Variants in FBH1 observed in about 807,000 individuals in gnomAD.
FBH1 encodes the protein DNA 3'-5' helicase 1.
Under a neutral mutation model 115.5 loss-of-function variants are expected in FBH1, and 43 were observed. That is an observed-to-expected ratio of 0.37 (90% CI 0.29 to 0.48). The LOEUF (loss-of-function observed/expected upper bound fraction) is 0.48, where lower values mean the gene tolerates loss of function less well. FBH1 is among the 20% of genes least tolerant of loss of function. The probability of loss-of-function intolerance (pLI) is 0.99; values close to 1 mark genes in which losing one functional copy is unlikely to be tolerated. For missense variants in FBH1, 1,001 were observed against 1,337.3 expected (o/e 0.75, Z 3.92); for synonymous variants, 524 against 507.8 (o/e 1.03, Z -0.43).
intron 10 of FBH1, among the ~76,000 whole-genome samples, chr10:5,916,753 C>G (rs550568830): frequency 6.8e-6 from 1 of 147,670 alleles, no homozygotes; most frequent in South Asian, 2.2e-4. Context: ...TGTGGGACAG[C>G]ATTATTTCTT....
rs191067112 is a variant in FBH1, at chr10:5,901,019, C to T, written c.2-2001C>T. ...GGCCAAGGCAAGAAAATCACTTGAACCCAAGAGGTGAATGTTGCAGTGAGC... is the reference window on the plus strand; with the variant it reads ...GGCCAAGGCAAGAAAATCACTTGAATCCAAGAGGTGAATGTTGCAGTGAGC... On this transcript the variant is annotated intron_variant, in intron 1 of 20. Coordinates refer to ENST00000362091, the MANE Select transcript of FBH1 (RefSeq NM_178150.3). Among the ~76,000 whole-genome samples the T allele has an allele frequency of 2.1e-4, 32 of 152,164 alleles. 1 individual carries two copies. The highest frequency in any genetic ancestry group is 4.4e-4 in the Non-Finnish European group (30 of 68,008).
In FBH1 at chr10:5,910,592, A is replaced by G. The variant is rs568502093; in HGVS notation, c.1021-346A>G. On this transcript the variant is annotated intron_variant, in intron 5 of 20. Transcript: ENST00000362091. The surrounding 1 kb of genome is among the most constrained non-coding windows in gnomAD (Gnocchi z 4.8). ...TTTGCTCTGGCCCTGCCAAGCACAT[A>G]TGGACCTGAGAGCCCCCATGGCCTG... 3.3e-5 allele frequency among the ~76,000 whole-genome samples: 5 copies of G among 152,190 alleles called. No homozygotes were observed. The highest frequency in any genetic ancestry group is 6.5e-5 in the Admixed American group (1 of 15,286).
intron 18 of FBH1, among the ~76,000 whole-genome samples, chr10:5,926,140 A>C (rs1213119953): frequency 6.6e-6 from 1 of 151,940 alleles, no homozygotes; most frequent in African/African-American, 2.4e-5. Context: ...TATTATTTTG[A>C]GATGGAGTCT....
At chr10:5,891,035 A>C (rs1254614270) in intron 1 of FBH1, 4 of 440,456 alleles carry the variant, frequency 9.1e-6, no homozygotes, top group Non-Finnish European at 1.2e-5. Context: ...GTCCGAAGAC[A>C]ACCCTATGAG....
rs963899256 is a variant in FBH1, at chr10:5,911,512, C to T, written c.1211+384C>T. ...TTGTGGGATGGAAAAGACTCATCCA[C>T]CTTATCCTCCATGCGGGAGAGGCTA... is the stretch of plus-strand genomic sequence containing the variant. On this transcript the variant is annotated intron_variant, in intron 6 of 20. Coordinates refer to ENST00000362091, the MANE Select transcript of FBH1 (RefSeq NM_178150.3). This position sits in a 1 kb window ranked among gnomAD's most constrained non-coding sequence, Gnocchi z 5.4. Among the ~76,000 whole-genome samples, 2 of 152,216 alleles carry T rather than the reference C, an allele frequency of 1.3e-5. No individual in the cohort carries two copies. Among genetic ancestry groups the T allele is most frequent in the Non-Finnish European group, 2.9e-5 (2 of 68,030 alleles).
chr10:5,912,828 G>A (rs1458358285), intron 6 of FBH1, among the ~76,000 whole-genome samples: 1 of 152,152 alleles, frequency 6.6e-6, no homozygotes, highest in Non-Finnish European at 1.5e-5. Flanking sequence ...TTCAACACAG[G>A]AATTTCAAGG....
At position 5,909,195 on chromosome 10, in the gene FBH1, T is replaced by C. The variant is rs1403121778; in HGVS notation, c.921T>C (p.Asp307=). The C allele has an allele frequency of 6.2e-7, 1 of 1,613,584 alleles. No homozygotes were observed. The highest frequency in any genetic ancestry group is 8.5e-7 in the Non-Finnish European group (1 of 1,180,024). ...TATTKCSPSV[D]PERVLWSLRD... Reference sequence around the variant, plus strand: ...CCACTAAGTGCTCTCCGAGTGTGGATCCCGAGAGGGTGCTGTGGAGTCTGA... The same window carrying C: ...CCACTAAGTGCTCTCCGAGTGTGGACCCCGAGAGGGTGCTGTGGAGTCTGA... Residue 307 remains aspartate (D), a synonymous_variant, in exon 5 of 21, where the codon GAT becomes GAC. Transcript: ENST00000362091. The surrounding 1 kb of genome is among the most constrained non-coding windows in gnomAD (Gnocchi z 4.4).
rs1173105322 is a variant in FBH1 at position 5,917,993 on chromosome 10, T to G, written c.1963+317T>G. On this transcript the variant is annotated intron_variant, in intron 12 of 20. Coordinates refer to ENST00000362091, the MANE Select transcript of FBH1 (RefSeq NM_178150.3). The surrounding 1 kb of genome is among the most constrained non-coding windows in gnomAD (Gnocchi z 5.6). ...AAGCTTGTGTTGTCTACTTCTCAAGTGGCTAGGAGAGAACAGACAGTGTTA... is the reference window on the plus strand; with the variant it reads ...AAGCTTGTGTTGTCTACTTCTCAAGGGGCTAGGAGAGAACAGACAGTGTTA... 2.0e-5 allele frequency among the ~76,000 whole-genome samples: 3 copies of G among 152,246 alleles called. No individual in the cohort carries two copies. Among genetic ancestry groups the G allele is most frequent in the African/African-American group, 7.2e-5 (3 of 41,468 alleles).
Position 5,913,866 on chromosome 10 carries a change from GT to G in FBH1, c.1304+31del. On this transcript the variant is annotated intron_variant, in intron 7 of 20. Coordinates refer to ENST00000362091, the MANE Select transcript of FBH1 (RefSeq NM_178150.3). The surrounding 1 kb of genome is among the most constrained non-coding windows in gnomAD (Gnocchi z 4.4). ...TATGTGTATATGTGCGTCAGCGTGT[GT>G]TTTGTCTTCTGTCGACTCTTCCTCA... 6.5e-7 allele frequency: 1 copy of G among 1,539,050 alleles called. No homozygotes were observed. Among genetic ancestry groups the G allele is most frequent in the South Asian group, 1.2e-5 (1 of 84,454 alleles).
chr10:5,936,501 G>A lies in FBH1; in HGVS notation c.2875G>A (p.Gly959Ser). 6.2e-7 allele frequency: 1 copy of A among 1,614,132 alleles called. No individual in the cohort carries two copies. The highest frequency in any genetic ancestry group is 8.5e-7 in the Non-Finnish European group (1 of 1,180,026). ...AELTSNVLKT[G>S]VVRCCVGQCN... is the part of the protein sequence containing the mutation. ...GCTGACAAGCAACGTCTTAAAAACA[G>A]GCGTGGTGCGCTGCTGCGTGGGACA... Residue 959 changes from glycine to serine, a missense_variant, in exon 20 of 21, where the codon GGC becomes AGC. By Grantham distance (56) the Gly-to-Ser change is moderately conservative. Coordinates refer to ENST00000362091, the MANE Select transcript of FBH1 (RefSeq NM_178150.3). The surrounding 1 kb of genome is among the most constrained non-coding windows in gnomAD (Gnocchi z 5.6).
At position 5,925,718 on chromosome 10, in the gene FBH1, T is replaced by C. The variant is rs1335043796; in HGVS notation, c.2722+226T>C. Among the ~76,000 whole-genome samples, 1 of 152,204 alleles carries C rather than the reference T, an allele frequency of 6.6e-6. No homozygotes were observed. ...AAGGTGCACCCCTCTGGGGGCTGCG[T>C]GTGGGATGATGATGTTTGTGGCGGC... On this transcript the variant is annotated intron_variant, in intron 18 of 20. Coordinates refer to ENST00000362091, the MANE Select transcript of FBH1 (RefSeq NM_178150.3). The surrounding 1 kb of genome is among the most constrained non-coding windows in gnomAD (Gnocchi z 4.6).
intron 18 of FBH1, among the ~76,000 whole-genome samples, chr10:5,927,036 C>A (rs1431266174): frequency 6.6e-6 from 1 of 152,208 alleles, no homozygotes; most frequent in Non-Finnish European, 1.5e-5. Flanking sequence ...GGTCCTGCTC[C>A]CAGGCCCTTG....
Position 5,906,443 on chromosome 10 carries a change from T to G in FBH1, c.564T>G (p.Gly188=). The G allele has an allele frequency of 6.2e-7, 1 of 1,614,156 alleles. No homozygotes were observed. The highest frequency in any genetic ancestry group is 8.5e-7 in the Non-Finnish European group (1 of 1,180,028). Residue 188 remains glycine (G), a synonymous_variant, in exon 3 of 21, where the codon GGT becomes GGG. Transcript: ENST00000362091. This position sits in a 1 kb window ranked among gnomAD's most constrained non-coding sequence, Gnocchi z 7.3. Reference sequence around the variant, plus strand: ...CCGACCAAGATGCTGGGGACGTGGGTCCTGATCCCATTCCTGACTCATACT... The same window carrying G: ...CCGACCAAGATGCTGGGGACGTGGGGCCTGATCCCATTCCTGACTCATACT... ...GETDQDAGDV[G]PDPIPDSYYG... is the part of the protein sequence containing the mutation.
Position 5,915,380 on chromosome 10 carries a change from TC to T in FBH1, c.1397-21del, listed in dbSNP as rs1356233089. The T allele has an allele frequency of 2.5e-6, 4 of 1,613,266 alleles. No individual in the cohort carries two copies. The highest frequency in any genetic ancestry group is 3.4e-6 in the Non-Finnish European group (4 of 1,179,518). Reference sequence around the variant, plus strand: ...TGTCTTGTCTGGTCAGAGGGTCACCTCCTTTCCTCCTGGCTTCCCCAGGCAC... The same window carrying T: ...TGTCTTGTCTGGTCAGAGGGTCACCTCTTTCCTCCTGGCTTCCCCAGGCAC... On this transcript the variant is annotated intron_variant, in intron 8 of 20. Transcript: ENST00000362091. The surrounding 1 kb of genome is among the most constrained non-coding windows in gnomAD (Gnocchi z 5.2).
rs1219324266 is a variant in FBH1, at chr10:5,911,986, G to A, written c.1211+858G>A. 5.3e-5 allele frequency among the ~76,000 whole-genome samples: 8 copies of A among 152,268 alleles called. No homozygotes were observed. In the East Asian group the frequency reaches 1.5e-3, roughly 29 times the overall value. On this transcript the variant is annotated intron_variant, in intron 6 of 20. Coordinates refer to ENST00000362091, the MANE Select transcript of FBH1 (RefSeq NM_178150.3). The surrounding 1 kb of genome is among the most constrained non-coding windows in gnomAD (Gnocchi z 5.4). ...GGGACATGTGAGGAAGAGAAAAAGTGCAGTGTGGCAAGGGTGGGAGGGAAC... is the reference window on the plus strand; with the variant it reads ...GGGACATGTGAGGAAGAGAAAAAGTACAGTGTGGCAAGGGTGGGAGGGAAC...
At position 5,911,354 on chromosome 10, in the gene FBH1, C is replaced by A. The variant is rs1399348150; in HGVS notation, c.1211+226C>A. On this transcript the variant is annotated intron_variant, in intron 6 of 20. Transcript: ENST00000362091. The surrounding 1 kb of genome is among the most constrained non-coding windows in gnomAD (Gnocchi z 5.4). ...TGCAGTTCTGAGCGGCTGCGAGATA[C>A]CACTAAGGCTGATTTTACCATCATG... Among the ~76,000 whole-genome samples, 3 of 152,238 alleles carry A rather than the reference C, an allele frequency of 2.0e-5. No homozygotes were observed. Among genetic ancestry groups the A allele is most frequent in the Non-Finnish European group, 4.4e-5 (3 of 68,052 alleles).
chr10:5,911,892 C>T lies in FBH1; in HGVS notation c.1211+764C>T, dbSNP rs1258337678. Among the ~76,000 whole-genome samples, 1 of 152,066 alleles carries T rather than the reference C, an allele frequency of 6.6e-6. No individual in the cohort carries two copies. Among genetic ancestry groups the T allele is most frequent in the African/African-American group, 2.4e-5 (1 of 41,374 alleles). ...GAGTGTGGAGGAGGAACCGCCGTTT[C>T]ACAACTGTGGGGAGAGCAGTTCAGA... On this transcript the variant is annotated intron_variant, in intron 6 of 20. Coordinates refer to ENST00000362091, the MANE Select transcript of FBH1 (RefSeq NM_178150.3). The surrounding 1 kb of genome is among the most constrained non-coding windows in gnomAD (Gnocchi z 5.4).
chr10:5,924,584 T>TC lies in FBH1; in HGVS notation c.2596+76_2596+77insC. The TC allele has an allele frequency of 3.5e-6, 5 of 1,409,222 alleles. No individual in the cohort carries two copies. The highest frequency in any genetic ancestry group is 4.9e-6 in the Non-Finnish European group (5 of 1,017,392). 87.3% of individuals were successfully genotyped at this position (1,409,222 alleles called of 1,614,324 possible). On this transcript the variant is annotated intron_variant, in intron 17 of 20. Coordinates refer to ENST00000362091, the MANE Select transcript of FBH1 (RefSeq NM_178150.3). The surrounding 1 kb of genome is among the most constrained non-coding windows in gnomAD (Gnocchi z 6.2). ...GTCTTCTGCTGTTCTTTTTTTTTTTTTGAGACAGAGTATTGCTCTGTTGCC... is the reference window on the plus strand; with the variant it reads ...GTCTTCTGCTGTTCTTTTTTTTTTTTCTGAGACAGAGTATTGCTCTGTTGCC...
Position 5,936,967 on chromosome 10 carries a change from C to T in FBH1, c.2962-143C>T. 1.1e-6 allele frequency: 1 copy of T among 928,022 alleles called. No homozygotes were observed. Among genetic ancestry groups the T allele is most frequent in the Non-Finnish European group, 1.6e-6 (1 of 629,888 alleles). The allele number at this position is 928,022 out of a possible 1,614,324, so 57.5% of individuals were successfully genotyped here. A position where few individuals can be genotyped will look rare whatever the true frequency, so the allele number is the denominator to read the frequency against. On this transcript the variant is annotated intron_variant, in intron 20 of 20. Transcript: ENST00000362091. The surrounding 1 kb of genome is among the most constrained non-coding windows in gnomAD (Gnocchi z 5.6). The stretch of plus-strand genomic sequence containing the variant: ...TGGTGGTGCTGTGGGAGGTGTTACT[C>T]TGAGGATGTGCACCCCTCTGAAAAC...
Sources: allele counts gnomAD v4.1 joint callset (sites outside exome capture counted in the v4.1 genomes callset), GRCh38; gene constraint gnomAD v4.1.1; non-coding constraint Gnocchi (gnomAD v3.1); transcripts MANE v1.5; gene names NCBI Gene and HGNC (gene_info 2026-07-23, HGNC 2026-07-21).